The following C12orf42 variants were observed in gnomAD, a reference collection of about 807,000 sequenced individuals.
C12orf42 encodes chromosome 12 open reading frame 42.
C12orf42 carries 25 observed loss-of-function variants against 21.6 expected under a neutral mutation model. The ratio of observed to expected loss-of-function variants is 1.16; its 90% CI spans 0.84 to 1.62. C12orf42 has a LOEUF of 1.62. C12orf42 is among the 40% of genes most tolerant of loss of function. C12orf42 has a pLI of 0.00. For missense variants in C12orf42, 483 were observed against 459.3 expected, an observed-to-expected ratio of 1.05 and a Z score of -0.47; for synonymous variants, 174 against 175.0, an observed-to-expected ratio of 0.99 and a Z score of 0.05.
intron 2 of C12orf42, among the ~76,000 whole-genome samples, chr12:103,468,029 T>A (rs549234098): frequency 5.3e-5 from 8 of 152,346 alleles, no homozygotes; most frequent in African/African-American, 1.9e-4. Context: ...AAACAATTTG[T>A]ACCAACAACA....
chr12:103,244,470 C>A (rs988929608), intron 10 of C12orf42, among the ~76,000 whole-genome samples: 5 of 151,658 alleles, frequency 3.3e-5, no homozygotes, highest in African/African-American at 9.7e-5. Flanking sequence ...CATGTTCAGC[C>A]TGAGCCCCTG....
rs1304860341 is a variant in C12orf42, at chr12:103,366,443, T to C, written c.259+2444A>G. 2.0e-5 allele frequency among the ~76,000 whole-genome samples: 3 copies of C among 151,584 alleles called. No homozygotes were observed. In the East Asian group the frequency reaches 5.8e-4, roughly 29 times the overall value. On this transcript the variant is annotated intron_variant, in intron 4 of 5. Coordinates refer to ENST00000548883, the MANE Select transcript of C12orf42 (RefSeq NM_198521.5). ...ACCAAGAACCCAAAAGCAAATGCAATAAAAACAAAGATAAATAGGTAGAAC... is the reference window on the plus strand; with the variant it reads ...ACCAAGAACCCAAAAGCAAATGCAACAAAAACAAAGATAAATAGGTAGAAC...
chr12:103,448,143 C>T (rs763099345), intron 2 of C12orf42, among the ~76,000 whole-genome samples: 3 of 151,852 alleles, frequency 2.0e-5, no homozygotes, highest in Non-Finnish European at 4.4e-5. Flanking sequence ...AAGCCAAATG[C>T]TTATAGCCAA....
At chr12:103,074,246 AG>A in the C12orf42 span, among the ~76,000 whole-genome samples, 1 of 152,240 alleles carries the variant, frequency 6.6e-6, no homozygotes, top group African/African-American at 2.4e-5. Flanking sequence ...TCTTGAAGAC[AG>A]CAGTTTCAAG....
chr12:103,289,076 G>A (rs1473323348), intron 4 of C12orf42, among the ~76,000 whole-genome samples: 2 of 152,202 alleles, frequency 1.3e-5, no homozygotes, highest in South Asian at 4.1e-4. Flanking sequence ...AAACTGAGCA[G>A]TGTTAAGGTT....
intron 2 of C12orf42, among the ~76,000 whole-genome samples, chr12:103,425,039 T>C (rs997740961): frequency 6.6e-6 from 1 of 152,130 alleles, no homozygotes; most frequent in Admixed American, 6.5e-5. Context: ...AGTAGGTGGA[T>C]TTCCCCTCAC....
At chr12:103,165,217 G>T in the C12orf42 span, among the ~76,000 whole-genome samples, 1 of 152,198 alleles carries the variant, frequency 6.6e-6, no homozygotes. Context: ...AACTCAAGAA[G>T]CATCAACCAA....
chr12:103,196,559 G>A, the C12orf42 span, among the ~76,000 whole-genome samples: 7 of 152,102 alleles, frequency 4.6e-5, no homozygotes, highest in South Asian at 2.1e-4. Flanking sequence ...CTCTTATATC[G>A]CTTTGTGGGT....
At chr12:103,467,650 G>A (rs1953252133) in intron 2 of C12orf42, among the ~76,000 whole-genome samples, 2 of 152,282 alleles carry the variant, frequency 1.3e-5, no homozygotes, top group South Asian at 2.1e-4. Flanking sequence ...ATATCAAGAG[G>A]ACTTTAGAGG....
chr12:103,058,231 A>T, the C12orf42 span, among the ~76,000 whole-genome samples: 1 of 152,276 alleles, frequency 6.6e-6, no homozygotes, highest in South Asian at 2.1e-4. Context: ...CTGGGATTAC[A>T]GGCATGAGCC....
At chr12:103,171,317 C>T in the C12orf42 span, among the ~76,000 whole-genome samples, 1 of 152,212 alleles carries the variant, frequency 6.6e-6, no homozygotes, top group East Asian at 1.9e-4. Flanking sequence ...TAGAGAGTAA[C>T]TTCTATGAGG....
At chr12:103,553,385 T>C in the C12orf42 span, among the ~76,000 whole-genome samples, 3 of 152,042 alleles carry the variant, frequency 2.0e-5, no homozygotes, top group African/African-American at 7.3e-5. Flanking sequence ...CTGGAGATGG[T>C]CCTAATAGTA....
the C12orf42 span, among the ~76,000 whole-genome samples, chr12:103,185,835 C>G: frequency 1.4e-4 from 22 of 152,194 alleles, no homozygotes; most frequent in Admixed American, 5.2e-4. Context: ...GAGGCCTCCT[C>G]AAGCCATGTG....
At chr12:103,141,891 C>T in the C12orf42 span, among the ~76,000 whole-genome samples, 2 of 152,006 alleles carry the variant, frequency 1.3e-5, no homozygotes, top group Non-Finnish European at 2.9e-5. Flanking sequence ...AGATACTATG[C>T]ACCATAAAAT....
At chr12:103,129,162 C>G in the C12orf42 span, among the ~76,000 whole-genome samples, 3 of 152,184 alleles carry the variant, frequency 2.0e-5, no homozygotes, top group East Asian at 5.8e-4. Flanking sequence ...TGCTTGAAGA[C>G]CAAAAACTGA....
chr12:103,214,572 T>G, the C12orf42 span, among the ~76,000 whole-genome samples: 4 of 152,120 alleles, frequency 2.6e-5, no homozygotes, highest in Non-Finnish European at 5.9e-5. Context: ...TTTTAAAAAT[T>G]TATCCTGAGT....
At position 103,302,404 on chromosome 12, in the gene C12orf42, T is replaced by G. The variant is rs79387839; in HGVS notation, c.787A>C (p.Ser263Arg). The G allele has an allele frequency of 0.15, 249,836 of 1,613,702 alleles. 20,272 individuals carry two copies. The highest frequency in any genetic ancestry group is 0.19 in the South Asian group (17,231 of 91,070). The change falls in exon 6 of 6, where the codon AGC becomes CGC. Residue 263 changes from serine to arginine, a missense_variant. Ser to Arg is a moderately radical substitution (Grantham distance 110). Coordinates refer to ENST00000548883, the MANE Select transcript of C12orf42 (RefSeq NM_198521.5). ...GAQAHPDDIQ[S>R]RLLGASGNPV... ...TTTCCGGACGCGCCCAGGAGTCTGCTTTGGATGTCGTCGGGGTGTGCCTGA... is the reference window on the plus strand; with the variant it reads ...TTTCCGGACGCGCCCAGGAGTCTGCGTTGGATGTCGTCGGGGTGTGCCTGA...
chr12:103,074,640 A>G, the C12orf42 span, among the ~76,000 whole-genome samples: 2 of 152,240 alleles, frequency 1.3e-5, no homozygotes, highest in African/African-American at 4.8e-5. Context: ...TATAAATAAT[A>G]TGATTAGGAT....
At chr12:103,496,813 G>GGA (rs1555217734), upstream of C12orf42, among the ~76,000 whole-genome samples, 5 of 111,112 alleles carry the variant, frequency 4.5e-5, no homozygotes, top group African/African-American at 1.8e-4. Flanking sequence ...TTCTAGCCGG[G>GGA]AAAAAAAAAA....
Sources: allele counts gnomAD v4.1 joint callset (sites outside exome capture counted in the v4.1 genomes callset), GRCh38; gene constraint gnomAD v4.1.1; transcripts MANE v1.5; gene names NCBI Gene and HGNC (gene_info 2026-07-23, HGNC 2026-07-21).